Variants in ADGRL2 observed in about 807,000 individuals in gnomAD.
ADGRL2 encodes calcium-independent alpha-latrotoxin receptor 2.
In ADGRL2, 44 loss-of-function variants were observed where a neutral mutation model predicts 157.4. That is an observed-to-expected ratio of 0.28 (90% confidence interval 0.22 to 0.36). The LOEUF (loss-of-function observed/expected upper bound fraction) is 0.36, where lower values mean the gene tolerates loss of function less well. Ranked by LOEUF, ADGRL2 falls within the 10% of genes least tolerant of loss-of-function variation. The pLI is 1.00. For synonymous variants in ADGRL2, 585 were observed against 624.7 expected (o/e 0.94, Z 0.95); for missense variants, 1,510 against 1,768.9 (o/e 0.85, Z 2.63).
chr1:81,412,363 A>G (rs1244041890), intron 1 of ADGRL2, among the ~76,000 whole-genome samples: 1 of 152,224 alleles, frequency 6.6e-6, no homozygotes, highest in African/African-American at 2.4e-5. Flanking sequence ...ATGAATACCA[A>G]TAATTAAGGA....
chr1:81,866,083 A>G (rs1011525105), intron 2 of ADGRL2, among the ~76,000 whole-genome samples: 1 of 152,216 alleles, frequency 6.6e-6, no homozygotes, highest in Non-Finnish European at 1.5e-5. Flanking sequence ...TCCATGGTTT[A>G]CACTGTTAAG....
intron 3 of ADGRL2, among the ~76,000 whole-genome samples, chr1:81,619,815 T>C (rs2081750320): frequency 6.6e-6 from 1 of 152,014 alleles, no homozygotes; most frequent in African/African-American, 2.4e-5. Flanking sequence ...GGAAGCACTG[T>C]ATGAAGTAAT....
intron 2 of ADGRL2, among the ~76,000 whole-genome samples, chr1:81,478,729 C>T (rs1052573693): frequency 1.3e-5 from 2 of 152,216 alleles, no homozygotes; most frequent in Non-Finnish European, 1.5e-5. Flanking sequence ...CACTGCCTCA[C>T]GATTTCTCTG....
At chr1:81,345,031 C>T (rs375409534) in intron 1 of ADGRL2, among the ~76,000 whole-genome samples, 40 of 152,190 alleles carry the variant, frequency 2.6e-4, no homozygotes, top group African/African-American at 9.4e-4. Context: ...GAAATAGTTA[C>T]ATTGAAGTAT....
chr1:81,761,293 C>T (rs2085873430), intron 1 of ADGRL2, among the ~76,000 whole-genome samples: 1 of 151,720 alleles, frequency 6.6e-6, no homozygotes, highest in African/African-American at 2.4e-5. Context: ...AAGCAAATCT[C>T]CTTCATATAT....
At chr1:81,968,844 C>A (rs939228523) in intron 14 of ADGRL2, among the ~76,000 whole-genome samples, 8 of 152,176 alleles carry the variant, frequency 5.3e-5, no homozygotes, top group African/African-American at 1.9e-4. Flanking sequence ...TGTTTTTAAT[C>A]ATGAATAAGT....
intron 1 of ADGRL2, among the ~76,000 whole-genome samples, chr1:81,817,603 T>C (rs1424648140): frequency 6.6e-6 from 1 of 152,130 alleles, no homozygotes; most frequent in African/African-American, 2.4e-5. Context: ...AAGGCAGATG[T>C]TTCAGTCTTT....
At chr1:81,492,049 A>T (rs190416061) in intron 2 of ADGRL2, among the ~76,000 whole-genome samples, 1 of 152,328 alleles carries the variant, frequency 6.6e-6, no homozygotes, top group East Asian at 1.9e-4. Flanking sequence ...CTGGCATTTT[A>T]CATGAAAGGA....
At chr1:81,624,722 G>A (rs575176352) in intron 3 of ADGRL2, among the ~76,000 whole-genome samples, 55 of 152,150 alleles carry the variant, frequency 3.6e-4, no homozygotes, top group Non-Finnish European at 7.3e-4. Flanking sequence ...AAAGAAAATA[G>A]GCATATATGG....
At chr1:81,924,599 C>A (rs2095062087) in intron 3 of ADGRL2, among the ~76,000 whole-genome samples, 1 of 151,892 alleles carries the variant, frequency 6.6e-6, no homozygotes. Flanking sequence ...ATTCTCTGGG[C>A]CTTAGTATAT....
intron 1 of ADGRL2, among the ~76,000 whole-genome samples, chr1:81,713,654 C>A (rs1235234824): frequency 2.0e-5 from 3 of 152,132 alleles, no homozygotes; most frequent in Non-Finnish European, 4.4e-5. Flanking sequence ...TAATACTATG[C>A]ATTTGTGTTA....
chr1:81,372,210 T>C (rs1458991111), intron 1 of ADGRL2, among the ~76,000 whole-genome samples: 1 of 152,002 alleles, frequency 6.6e-6, no homozygotes, highest in African/African-American at 2.4e-5. Flanking sequence ...ATTACAGTAG[T>C]ACTTTAATTA....
At chr1:81,912,934 C>A (rs1183183289) in intron 3 of ADGRL2, among the ~76,000 whole-genome samples, 3 of 152,016 alleles carry the variant, frequency 2.0e-5, no homozygotes, top group African/African-American at 7.2e-5. Flanking sequence ...AAATATAAGA[C>A]CTGAATTTAT....
upstream of ADGRL2, among the ~76,000 whole-genome samples, chr1:81,696,918 T>C (rs1159191594): frequency 1.3e-5 from 2 of 152,114 alleles, no homozygotes; most frequent in African/African-American, 4.8e-5. Context: ...AGTGAGCCTG[T>C]TGAAAAATGG....
intron 7 of ADGRL2, 57 bp from the exon 8 acceptor site, chr1:81,950,961 C>A: frequency 9.3e-7 from 1 of 1,077,244 alleles, no homozygotes; most frequent in South Asian, 1.3e-5. Context: ...AGCTGATTCC[C>A]GAATGCATGC....
intron 1 of ADGRL2, among the ~76,000 whole-genome samples, chr1:81,322,869 G>T (rs1219605718): frequency 6.6e-6 from 1 of 151,960 alleles, no homozygotes; most frequent in African/African-American, 2.4e-5. Context: ...TTTTTTGTTT[G>T]TTTGTTGAGA....
intron 2 of ADGRL2, among the ~76,000 whole-genome samples, chr1:81,889,498 G>A (rs1419426491): frequency 1.3e-5 from 2 of 152,174 alleles, no homozygotes; most frequent in African/African-American, 4.8e-5. Context: ...AGGAAGATGT[G>A]GAGGAAAGTT....
chr1:81,980,727 A>G (rs953832483), intron 18 of ADGRL2: 12 of 604,598 alleles, frequency 2.0e-5, no homozygotes, highest in Non-Finnish European at 6.3e-6. Context: ...ATGGTAAGAG[A>G]GAGAGCTAAT....
intron 2 of ADGRL2, among the ~76,000 whole-genome samples, chr1:81,785,110 G>A (rs2086982676): frequency 6.6e-6 from 1 of 152,192 alleles, no homozygotes; most frequent in Admixed American, 6.5e-5. Flanking sequence ...GTTGTACAGG[G>A]AATTATTTGT....
Sources: allele counts gnomAD v4.1 joint callset (sites outside exome capture counted in the v4.1 genomes callset), GRCh38; gene constraint gnomAD v4.1.1; transcripts MANE v1.5; gene names NCBI Gene and HGNC (gene_info 2026-07-23, HGNC 2026-07-21).